ZNF280D: variants seen among roughly 807,000 people sequenced by gnomAD.
ZNF280D encodes the protein suppressor of hairy wing homolog 4.
Under a neutral mutation model 94.7 loss-of-function variants are expected in ZNF280D, and 39 were observed. The ratio of observed to expected loss-of-function variants is 0.41; its 90% CI spans 0.32 to 0.54. ZNF280D has a LOEUF of 0.54. ZNF280D is among the 20% of genes least tolerant of loss of function. The pLI is 0.22. For missense variants in ZNF280D, 1,090 were observed against 1,149.3 expected, an observed-to-expected ratio of 0.95 and a Z score of 0.75; for synonymous variants, 398 against 377.6, an observed-to-expected ratio of 1.05 and a Z score of -0.63.
intron 7 of ZNF280D, among the ~76,000 whole-genome samples, chr15:56,691,576 T>C (rs2056424119): frequency 6.6e-6 from 1 of 152,184 alleles, no homozygotes; most frequent in East Asian, 1.9e-4. Flanking sequence ...TTGGCTTGTG[T>C]TGCTCCCTAC....
At chr15:56,713,449 T>A (rs1373258749) in intron 1 of ZNF280D, among the ~76,000 whole-genome samples, 31 of 152,188 alleles carry the variant, frequency 2.0e-4, no homozygotes, top group African/African-American at 7.5e-4. Context: ...TTTTTTACTC[T>A]CAGAAATTTT....
At chr15:56,664,679 AAAT>A (rs769636017) in intron 16 of ZNF280D, among the ~76,000 whole-genome samples, 1 of 152,210 alleles carries the variant, frequency 6.6e-6, no homozygotes, top group Non-Finnish European at 1.5e-5. Flanking sequence ...TTGCAGGTAA[AAAT>A]AAAGAGATCT....
intron 6 of ZNF280D, among the ~76,000 whole-genome samples, chr15:56,697,436 C>T (rs1358188958): frequency 1.3e-5 from 2 of 152,190 alleles, no homozygotes; most frequent in East Asian, 1.9e-4. Context: ...CCACTCGCCT[C>T]GGCCTCCCAA....
chr15:56,698,422 T>A (rs1263683788), intron 6 of ZNF280D: 2 of 152,228 alleles, frequency 1.3e-5, no homozygotes, highest in African/African-American at 4.8e-5. Context: ...AAAGTTCAAA[T>A]TTTACCATTG....
intron 1 of ZNF280D, among the ~76,000 whole-genome samples, chr15:56,717,567 T>C (rs2058110708): frequency 6.6e-6 from 1 of 152,024 alleles, no homozygotes; most frequent in Non-Finnish European, 1.5e-5. Flanking sequence ...TTATAAATTA[T>C]ACAATATGAT....
rs770363921 is a variant in ZNF280D at position 56,676,662 on chromosome 15, A to T, written c.1410+8T>A. 3.1e-6 allele frequency: 5 copies of T among 1,592,688 alleles called. No homozygotes were observed. The highest frequency in any genetic ancestry group is 4.3e-6 in the Non-Finnish European group (5 of 1,172,456). ...CATAATAAACAAATAAGAACTGGTAAATCTCACCTGATGCTTCATATAATG... is the reference window on the plus strand; with the variant it reads ...CATAATAAACAAATAAGAACTGGTATATCTCACCTGATGCTTCATATAATG... On this transcript the variant is annotated splice_region_variant and intron_variant, in intron 13 of 21. Coordinates refer to ENST00000267807, the MANE Select transcript of ZNF280D (RefSeq NM_017661.4).
At chr15:56,668,767 A>T in intron 14 of ZNF280D, 56 bp downstream of exon 14, 2 of 1,442,538 alleles carry the variant, frequency 1.4e-6, no homozygotes, top group Non-Finnish European at 1.9e-6. Flanking sequence ...AAAGCCGGGC[A>T]GGAGTTAATT....
At chr15:56,639,567 T>C (rs7179781) in intron 20 of ZNF280D, among the ~76,000 whole-genome samples, 14 of 151,896 alleles carry the variant, frequency 9.2e-5, no homozygotes, top group Non-Finnish European at 1.5e-4. Context: ...AAAAGTAACC[T>C]AAATACCAAG....
chr15:56,694,569 T>C (rs1402594513), intron 6 of ZNF280D, among the ~76,000 whole-genome samples: 2 of 152,148 alleles, frequency 1.3e-5, no homozygotes, highest in Non-Finnish European at 2.9e-5. Context: ...AAATACCTTT[T>C]TTCCAAATTA....
intron 16 of ZNF280D, among the ~76,000 whole-genome samples, chr15:56,659,729 A>T (rs1885143031): frequency 1.3e-5 from 2 of 151,730 alleles, no homozygotes. Context: ...CCCCGTGACA[A>T]CCCCTCAACC....
chr15:56,632,355 T>G (rs1309015564), intron 21 of ZNF280D, among the ~76,000 whole-genome samples: 1 of 152,124 alleles, frequency 6.6e-6, no homozygotes, highest in Non-Finnish European at 1.5e-5. Context: ...ATCTATCAAC[T>G]AGTTTTAGTC....
intron 1 of ZNF280D, among the ~76,000 whole-genome samples, chr15:56,712,353 C>T (rs529360046): frequency 1.3e-5 from 2 of 151,656 alleles, no homozygotes; most frequent in South Asian, 2.1e-4. Context: ...AAGAAAAAAA[C>T]GTTCAGGCTG....
chr15:56,700,707 T>C (rs2057010459), intron 6 of ZNF280D: 4 of 1,445,192 alleles, frequency 2.8e-6, no homozygotes, highest in Admixed American at 2.8e-5. Flanking sequence ...ACTGTACCTA[T>C]TTAGGCATAC....
chr15:56,711,575 T>C (rs1361592393), intron 1 of ZNF280D, among the ~76,000 whole-genome samples: 1 of 152,044 alleles, frequency 6.6e-6, no homozygotes, highest in Admixed American at 6.6e-5. Flanking sequence ...TGAAGAAGAA[T>C]GGCTTTAACC....
chr15:56,716,000 T>G (rs1355695599), intron 1 of ZNF280D, among the ~76,000 whole-genome samples: 3 of 152,156 alleles, frequency 2.0e-5, no homozygotes, highest in African/African-American at 7.2e-5. Context: ...CTAGAGATGA[T>G]TTAAAGTATA....
Position 56,719,446 on chromosome 15 carries a change from G to C in ZNF280D, c.-85-12140C>G, listed in dbSNP as rs1037358411. 7.9e-5 allele frequency among the ~76,000 whole-genome samples: 12 copies of C among 151,842 alleles called. No individual in the cohort carries two copies. The South Asian group carries it at 8.3e-4, about 10-fold the overall frequency. On this transcript the variant is annotated intron_variant, in intron 1 of 21. Coordinates refer to ENST00000267807, the MANE Select transcript of ZNF280D (RefSeq NM_017661.4). The stretch of plus-strand genomic sequence containing the variant: ...CCACACAGACTCCCTTTTGTTTTCT[G>C]CCATGAGTGGATGCAGCCTGAGGCC...
At chr15:56,659,516 GTTAA>G (rs2053781157) in intron 16 of ZNF280D, among the ~76,000 whole-genome samples, 3 of 151,676 alleles carry the variant, frequency 2.0e-5, no homozygotes. Context: ...TTGTTCTATT[GTTAA>G]TTATCTTACT....
chr15:56,732,312 G>A (rs916353625), intron 1 of ZNF280D, among the ~76,000 whole-genome samples: 5 of 152,112 alleles, frequency 3.3e-5, no homozygotes, highest in African/African-American at 1.2e-4. Context: ...TCAATGAAAG[G>A]CACAAAAGCA....
chr15:56,646,216 G>A (rs552283476), intron 19 of ZNF280D, among the ~76,000 whole-genome samples: 1 of 152,210 alleles, frequency 6.6e-6, no homozygotes, highest in African/African-American at 2.4e-5. Context: ...TTGAGACCAG[G>A]AGTTTGAGAC....
Sources: gnomAD v4.1 joint callset for allele counts (sites outside exome capture counted in the v4.1 genomes callset) on GRCh38, gnomAD v4.1.1 for gene constraint, MANE v1.5 for transcripts, NCBI Gene and HGNC (gene_info 2026-07-23, HGNC 2026-07-21) for gene names.